Variants in POU6F2 observed in about 807,000 individuals in gnomAD.
POU6F2 encodes POU class 6 homeobox 2.
Under a neutral mutation model 71.3 loss-of-function variants are expected in POU6F2, and 31 were observed. The observed-to-expected ratio is 0.43, with a 90% CI of 0.33 to 0.59. The LOEUF is 0.59. Ranked by LOEUF, POU6F2 falls within the 20% of genes least tolerant of loss-of-function variation. POU6F2 has a pLI of 0.04. For missense variants in POU6F2, 783 were observed against 856.8 expected (o/e 0.91, Z 1.07); for synonymous variants, 347 against 355.7 (o/e 0.98, Z 0.27).
At chr7:39,375,493 C>A (rs978967815) in intron 5 of POU6F2, among the ~76,000 whole-genome samples, 1 of 152,170 alleles carries the variant, frequency 6.6e-6, no homozygotes, top group Non-Finnish European at 1.5e-5. Flanking sequence ...CAACCTTCCA[C>A]GGAGGCACCC....
intron 1 of POU6F2, among the ~76,000 whole-genome samples, chr7:39,031,770 A>G (rs1241316419): frequency 6.6e-6 from 1 of 152,058 alleles, no homozygotes; most frequent in African/African-American, 2.4e-5. Flanking sequence ...AGTCCCAGCT[A>G]CTTGGGAGGC....
chr7:39,077,890 C>T (rs989197706), intron 1 of POU6F2, among the ~76,000 whole-genome samples: 7 of 152,126 alleles, frequency 4.6e-5, no homozygotes, highest in African/African-American at 9.7e-5. Context: ...CTTATTTTAC[C>T]GTGTAACTAG....
At chr7:39,134,386 T>C (rs1279038206) in intron 2 of POU6F2, among the ~76,000 whole-genome samples, 4 of 152,176 alleles carry the variant, frequency 2.6e-5, no homozygotes, top group Non-Finnish European at 5.9e-5. Flanking sequence ...TCTTAGGGGA[T>C]GCTGGTGCTG....
intron 1 of POU6F2, among the ~76,000 whole-genome samples, chr7:39,044,482 A>C (rs534232555): frequency 1.3e-5 from 2 of 152,096 alleles, no homozygotes; most frequent in East Asian, 3.9e-4. Context: ...AATTGTGTTT[A>C]ATGAAGGAGC....
intron 4 of POU6F2, among the ~76,000 whole-genome samples, chr7:39,245,448 T>C (rs1394690953): frequency 2.6e-5 from 4 of 152,212 alleles, no homozygotes; most frequent in Non-Finnish European, 5.9e-5. Context: ...AGCTGAGCCA[T>C]TGGCCCAAGA....
intron 2 of POU6F2, among the ~76,000 whole-genome samples, chr7:39,166,107 T>C (rs940649364): frequency 6.6e-6 from 1 of 152,342 alleles, no homozygotes; most frequent in Middle Eastern, 3.4e-3. Flanking sequence ...TCTTGACATT[T>C]TCTGTGTCCA....
intron 4 of POU6F2, among the ~76,000 whole-genome samples, chr7:39,223,293 C>G (rs1202500568): frequency 6.6e-6 from 1 of 152,122 alleles, no homozygotes; most frequent in Non-Finnish European, 1.5e-5. Flanking sequence ...GCTTTGTGCC[C>G]TTCAAATTGT....
At chr7:39,243,355 C>T (rs1309726218) in intron 4 of POU6F2, among the ~76,000 whole-genome samples, 1 of 152,032 alleles carries the variant, frequency 6.6e-6, no homozygotes, top group African/African-American at 2.4e-5. Context: ...ACCTCCACTG[C>T]ACCCCCTGCA....
chr7:39,092,286 A>T (rs887221499), intron 2 of POU6F2, among the ~76,000 whole-genome samples: 10 of 152,100 alleles, frequency 6.6e-5, no homozygotes, highest in Non-Finnish European at 2.9e-5. Context: ...TCTCCAGCGG[A>T]TGGGTTTCTC....
At chr7:39,350,461 CCTGT>C (rs1437722481) in intron 5 of POU6F2, among the ~76,000 whole-genome samples, 2 of 152,060 alleles carry the variant, frequency 1.3e-5, no homozygotes, top group Non-Finnish European at 2.9e-5. Context: ...ATCTTGAACT[CCTGT>C]CTAAGGTTTA....
chr7:39,455,218 A>G (rs578152495), intron 8 of POU6F2, among the ~76,000 whole-genome samples: 3 of 152,300 alleles, frequency 2.0e-5, no homozygotes, highest in Admixed American at 2.0e-4. Context: ...GGTTTTGATC[A>G]CTTGCTGGAT....
At chr7:39,087,384 T>A (rs566396313) in intron 2 of POU6F2, among the ~76,000 whole-genome samples, 1 of 152,074 alleles carries the variant, frequency 6.6e-6, no homozygotes, top group Non-Finnish European at 1.5e-5. Flanking sequence ...ATATACTAGA[T>A]TCCAATTTCA....
At chr7:38,986,722 A>G (rs1788473125) in intron 1 of POU6F2, among the ~76,000 whole-genome samples, 1 of 152,158 alleles carries the variant, frequency 6.6e-6, no homozygotes, top group Non-Finnish European at 1.5e-5. Flanking sequence ...AGCACAGAAT[A>G]ATATAAAGTG....
chr7:39,050,300 C>G (rs1362674816), intron 1 of POU6F2, among the ~76,000 whole-genome samples: 1 of 152,030 alleles, frequency 6.6e-6, no homozygotes, highest in African/African-American at 2.4e-5. Flanking sequence ...CCAAACACTT[C>G]AAGCCAGCAA....
chr7:39,448,430 T>C (rs965930349), intron 7 of POU6F2, among the ~76,000 whole-genome samples: 1 of 152,226 alleles, frequency 6.6e-6, no homozygotes, highest in Non-Finnish European at 1.5e-5. Flanking sequence ...GGTTGAACTC[T>C]AGAGGTAAGC....
At chr7:39,133,315 A>G (rs1032925001) in intron 2 of POU6F2, among the ~76,000 whole-genome samples, 2 of 152,166 alleles carry the variant, frequency 1.3e-5, no homozygotes, top group African/African-American at 4.8e-5. Flanking sequence ...TGCTGCATGT[A>G]TGTAGCCTGT....
At chr7:39,177,197 TG>T (rs1208774236) in intron 2 of POU6F2, among the ~76,000 whole-genome samples, 2 of 152,232 alleles carry the variant, frequency 1.3e-5, no homozygotes, top group African/African-American at 4.8e-5. Flanking sequence ...ACTGGCCTTT[TG>T]TCCACTCCCC....
At chr7:39,211,402 T>A (rs1167612420) in intron 4 of POU6F2, among the ~76,000 whole-genome samples, 1 of 152,192 alleles carries the variant, frequency 6.6e-6, no homozygotes, top group Non-Finnish European at 1.5e-5. Flanking sequence ...TTGCTTCTGT[T>A]AGGAGTTTCA....
intron 1 of POU6F2, among the ~76,000 whole-genome samples, chr7:39,050,289 C>T (rs1419151181): frequency 2.0e-5 from 3 of 151,964 alleles, no homozygotes; most frequent in Non-Finnish European, 4.4e-5. Flanking sequence ...AGAGATTGGG[C>T]CCAAACACTT....
Sources: gnomAD v4.1 joint callset for allele counts (sites outside exome capture counted in the v4.1 genomes callset) on GRCh38, gnomAD v4.1.1 for gene constraint, MANE v1.5 for transcripts, NCBI Gene and HGNC (gene_info 2026-07-23, HGNC 2026-07-21) for gene names.